Variants in FRMPD4 observed in about 807,000 individuals in gnomAD.
The protein encoded by FRMPD4 is FERM and PDZ domain-containing protein 4.
Under a neutral mutation model 94.1 loss-of-function variants are expected in FRMPD4, and 22 were observed. The observed-to-expected ratio is 0.23, with a 90% CI of 0.17 to 0.33. FRMPD4 has a LOEUF of 0.33. FRMPD4 is among the 10% of genes least tolerant of loss of function. FRMPD4 has a pLI of 1.00. For synonymous variants in FRMPD4, 631 were observed against 548.6 expected (o/e 1.15, Z -2.10); for missense variants, 1,111 against 1,339.9 (o/e 0.83, Z 2.67).
chrX:12,063,436 G>T (rs1465159438), intron 3 of FRMPD4, among the ~76,000 whole-genome samples: 1 of 112,386 alleles, frequency 8.9e-6, no homozygotes, highest in Non-Finnish European at 1.9e-5. Context: ...TTTTCTTAAA[G>T]AACAAATATT....
In FRMPD4 at chrX:12,550,766, GCTTT is replaced by G. The variant is rs778925800; in HGVS notation, c.158+51973_158+51976del. On this transcript the variant is annotated intron_variant, in intron 2 of 16. Transcript: ENST00000675598. ...CATAATCATACTTGATCCTCATAAG[GCTTT>G]CTGATACACGTACTCATATATACAT... is the stretch of plus-strand genomic sequence containing the variant. 1.5e-4 allele frequency among the ~76,000 whole-genome samples: 16 copies of G among 109,825 alleles called. No homozygotes were observed. The South Asian group carries it at 5.4e-3, about 37-fold the overall frequency.
intron 3 of FRMPD4, among the ~76,000 whole-genome samples, chrX:12,088,804 T>C (rs1294423129): frequency 8.9e-6 from 1 of 112,492 alleles, no homozygotes; most frequent in Non-Finnish European, 1.9e-5. Flanking sequence ...TCAACCAAAA[T>C]AGTTTTAACT....
In FRMPD4 at chrX:12,518,334, C is replaced by T. The variant is rs181946450; in HGVS notation, c.158+19538C>T. 4.5e-5 allele frequency among the ~76,000 whole-genome samples: 5 copies of T among 111,558 alleles called. No homozygotes were observed. In the East Asian group the frequency reaches 1.1e-3, roughly 25 times the overall value. ...CTCAAGAGGTGAATCTCCTGATTCC[C>T]GGGTTGCACAGATTGTGGAAAAAAC... On this transcript the variant is annotated intron_variant, in intron 2 of 16. Transcript: ENST00000675598.
intron 1 of FRMPD4, among the ~76,000 whole-genome samples, chrX:12,349,356 T>G (rs1324689061): frequency 9.0e-6 from 1 of 110,536 alleles, no homozygotes; most frequent in African/African-American, 3.3e-5. Flanking sequence ...ATCCTATAAG[T>G]CCCGATGTGA....
At chrX:12,137,817 TTTTG>T (rs1268095607), upstream of FRMPD4, among the ~76,000 whole-genome samples, 1 of 112,109 alleles carries the variant, frequency 8.9e-6, no homozygotes, top group African/African-American at 3.2e-5. Flanking sequence ...TTTTGTTTTG[TTTTG>T]TTTTTTTCTT....
intron 3 of FRMPD4, among the ~76,000 whole-genome samples, chrX:12,101,970 C>T (rs1286818705): frequency 8.9e-6 from 1 of 111,910 alleles, no homozygotes; most frequent in African/African-American, 3.2e-5. Flanking sequence ...TTTGTATTTT[C>T]ATAGCATGCA....
At chrX:12,339,822 G>A (rs2055584009) in intron 1 of FRMPD4, among the ~76,000 whole-genome samples, 1 of 111,257 alleles carries the variant, frequency 9.0e-6, no homozygotes, top group African/African-American at 3.3e-5. Context: ...TCACCATATT[G>A]GCCAGGCTGG....
chrX:12,561,936 C>G (rs149504624), intron 2 of FRMPD4, among the ~76,000 whole-genome samples: 38 of 112,524 alleles, frequency 3.4e-4, no homozygotes, highest in African/African-American at 1.1e-3. Context: ...GCAGACATCT[C>G]TAATTGTAGC....
At chrX:12,697,534 C>T (rs1415662652) in intron 9 of FRMPD4, among the ~76,000 whole-genome samples, 2 of 112,442 alleles carry the variant, frequency 1.8e-5, no homozygotes, top group African/African-American at 3.2e-5. Context: ...GAGTCCATTG[C>T]ATTTATAAAA....
At chrX:12,371,372 C>A (rs1306400431) in intron 1 of FRMPD4, among the ~76,000 whole-genome samples, 1 of 112,358 alleles carries the variant, frequency 8.9e-6, no homozygotes, top group Non-Finnish European at 1.9e-5. Flanking sequence ...GCCCAAGATA[C>A]TTGAGAGGTG....
At chrX:11,922,604 A>G (rs1047456140) in intron 3 of FRMPD4, among the ~76,000 whole-genome samples, 3 of 112,004 alleles carry the variant, frequency 2.7e-5, no homozygotes, top group African/African-American at 9.7e-5. Context: ...GGTGATTTAA[A>G]CTGGCAAAGA....
intron 1 of FRMPD4, among the ~76,000 whole-genome samples, chrX:12,323,285 T>A (rs774166089): frequency 8.9e-6 from 1 of 111,980 alleles, no homozygotes; most frequent in Admixed American, 9.5e-5. Context: ...GAGTCAGACA[T>A]TGACAATCAG....
At chrX:12,107,244 T>C (rs997918908) in intron 3 of FRMPD4, among the ~76,000 whole-genome samples, 1 of 111,921 alleles carries the variant, frequency 8.9e-6, no homozygotes, top group Admixed American at 9.4e-5. Context: ...TGTTCAGCAA[T>C]ATTCACTGTT....
chrX:12,027,898 A>G (rs778833501), intron 3 of FRMPD4, among the ~76,000 whole-genome samples: 7 of 112,351 alleles, frequency 6.2e-5, no homozygotes, highest in Admixed American at 1.9e-4. Flanking sequence ...TGAAGTTCCT[A>G]TAAGATGGAA....
chrX:11,931,868 A>G (rs190049933), intron 3 of FRMPD4, among the ~76,000 whole-genome samples: 1 of 112,504 alleles, frequency 8.9e-6, no homozygotes, highest in East Asian at 2.8e-4. Flanking sequence ...GAATGAATAC[A>G]TGAATGTATA....
At chrX:12,359,764 G>A (rs2055956016) in intron 1 of FRMPD4, among the ~76,000 whole-genome samples, 1 of 112,137 alleles carries the variant, frequency 8.9e-6, no homozygotes, top group Non-Finnish European at 1.9e-5. Context: ...CACCGTGCCT[G>A]GCCACAAAGT....
intron 3 of FRMPD4, among the ~76,000 whole-genome samples, chrX:12,018,128 T>C (rs1217844618): frequency 2.8e-5 from 3 of 108,135 alleles, no homozygotes; most frequent in Non-Finnish European, 5.7e-5. Context: ...AACCACAAAC[T>C]ACAGTGGGAA....
chrX:12,383,068 C>T (rs748506639), intron 1 of FRMPD4, among the ~76,000 whole-genome samples: 123 of 111,565 alleles, frequency 1.1e-3, no homozygotes, highest in Non-Finnish European at 2.0e-3. Context: ...CAAATTATGT[C>T]GTACTAGTTT....
At chrX:12,146,629 G>C (rs1230542860) in intron 1 of FRMPD4, among the ~76,000 whole-genome samples, 14 of 112,094 alleles carry the variant, frequency 1.2e-4, no homozygotes. Flanking sequence ...ATTCCTATCT[G>C]TCTTTTATAT....
Sources: allele counts gnomAD v4.1 joint callset (sites outside exome capture counted in the v4.1 genomes callset), GRCh38; gene constraint gnomAD v4.1.1; transcripts MANE v1.5; gene names NCBI Gene and HGNC (gene_info 2026-07-23, HGNC 2026-07-21).